Variants in GRIA2 observed in about 807,000 individuals in gnomAD.
GRIA2 encodes glutamate receptor 2.
In GRIA2, 14 loss-of-function variants were observed where a neutral mutation model predicts 97.3. The observed-to-expected ratio is 0.14, with a 90% confidence interval of 0.10 to 0.23. The LOEUF (loss-of-function observed/expected upper bound fraction) is 0.23. Among genes scored for constraint, GRIA2 ranks in the 10% least tolerant of loss-of-function variants. GRIA2 has a pLI of 1.00. For synonymous variants in GRIA2, 412 were observed against 387.8 expected (o/e 1.06, Z -0.73); for missense variants, 558 against 1,069.8 (o/e 0.52, Z 6.67).
chr4:157,330,650 A>C (rs1032171246), intron 6 of GRIA2, among the ~76,000 whole-genome samples: 1 of 152,004 alleles, frequency 6.6e-6, no homozygotes, highest in Non-Finnish European at 1.5e-5. Context: ...ACATGTCTAA[A>C]ATGCATATTT....
In GRIA2 at chr4:157,361,005, T is replaced by C; in HGVS notation, c.2292-5T>C. On this transcript the variant is annotated splice_polypyrimidine_tract_variant and splice_region_variant and intron_variant, in intron 13 of 15. Coordinates refer to ENST00000264426, the MANE Select transcript of GRIA2 (RefSeq NM_001083619.3). This position sits in a 1 kb window ranked among gnomAD's most constrained non-coding sequence, Gnocchi z 5.2. ...TGTCTGACAAGTATGTTTTATCGTT[T>C]CAAGAAATGCGGTTAACCTCGCAGT... 1 of 1,593,864 alleles carries C rather than the reference T, an allele frequency of 6.3e-7. No individual in the cohort carries two copies.
intron 2 of GRIA2, among the ~76,000 whole-genome samples, chr4:157,264,964 A>T (rs940964280): frequency 7.2e-5 from 11 of 152,070 alleles, no homozygotes; most frequent in Non-Finnish European, 1.5e-5. Flanking sequence ...AATTAAACTG[A>T]GACACAGAGA....
intron 2 of GRIA2, among the ~76,000 whole-genome samples, chr4:157,291,979 C>G (rs72962855): frequency 2.2e-4 from 34 of 151,968 alleles, no homozygotes; most frequent in African/African-American, 8.2e-4. Flanking sequence ...AGGGATAAAT[C>G]TAATAAAATG....
At chr4:157,328,088 T>A (rs1420216208) in intron 6 of GRIA2, among the ~76,000 whole-genome samples, 1 of 152,122 alleles carries the variant, frequency 6.6e-6, no homozygotes, top group African/African-American at 2.4e-5. Flanking sequence ...AATAAACTTA[T>A]AAATTTTATA....
At chr4:157,248,555 A>ATATATATACACGTG (rs1561009281) in intron 2 of GRIA2, among the ~76,000 whole-genome samples, 4 of 28,154 alleles carry the variant, frequency 1.4e-4, no homozygotes, top group African/African-American at 6.2e-4. Context: ...GTGTGTGTGT[A>ATATATATACACGTG]TATATATATA....
At chr4:157,357,500 C>T (rs1736435711) in intron 12 of GRIA2, among the ~76,000 whole-genome samples, 1 of 152,086 alleles carries the variant, frequency 6.6e-6, no homozygotes, top group South Asian at 2.1e-4. Context: ...AAGTTACTTT[C>T]AGTCTGATTC....
At chr4:157,227,330 A>G (rs1371934762) in intron 2 of GRIA2, among the ~76,000 whole-genome samples, 1 of 152,156 alleles carries the variant, frequency 6.6e-6, no homozygotes, top group Non-Finnish European at 1.5e-5. Flanking sequence ...TCTTCCAATA[A>G]CACTTAGCAA....
chr4:157,264,480 A>T (rs1731680734), intron 2 of GRIA2, among the ~76,000 whole-genome samples: 1 of 152,114 alleles, frequency 6.6e-6, no homozygotes, highest in East Asian at 1.9e-4. Flanking sequence ...CACTTACAAG[A>T]ACCCTTACAA....
At chr4:157,285,220 C>A (rs964197008) in intron 2 of GRIA2, among the ~76,000 whole-genome samples, 2 of 151,478 alleles carry the variant, frequency 1.3e-5, no homozygotes, top group African/African-American at 4.8e-5. Context: ...CTTTTAAATG[C>A]AATGTCTCAT....
At chr4:157,264,711 AG>A (rs1179337175) in intron 2 of GRIA2, among the ~76,000 whole-genome samples, 1 of 152,150 alleles carries the variant, frequency 6.6e-6, no homozygotes, top group Non-Finnish European at 1.5e-5. Context: ...AAAGTAAAAA[AG>A]GACAATCAGG....
intron 2 of GRIA2, among the ~76,000 whole-genome samples, chr4:157,223,673 A>G (rs1729611959): frequency 1.3e-5 from 2 of 152,204 alleles, no homozygotes; most frequent in Non-Finnish European, 1.5e-5. Flanking sequence ...TTGAAAAGTA[A>G]TGACTCCTAA....
At chr4:157,307,942 C>G (rs1733913519) in intron 3 of GRIA2, among the ~76,000 whole-genome samples, 1 of 152,164 alleles carries the variant, frequency 6.6e-6, no homozygotes, top group Non-Finnish European at 1.5e-5. Context: ...CTAATTTGGC[C>G]TAGGCATGCT....
chr4:157,250,602 C>T (rs1377305678), intron 2 of GRIA2, among the ~76,000 whole-genome samples: 2 of 151,956 alleles, frequency 1.3e-5, no homozygotes, highest in Non-Finnish European at 2.9e-5. Flanking sequence ...TCACGAGATA[C>T]AGATCTATAT....
intron 8 of GRIA2, 38 bp from the exon 9 acceptor site, chr4:157,333,972 C>A: frequency 3.2e-6 from 3 of 934,506 alleles, no homozygotes; most frequent in South Asian, 2.6e-5. Flanking sequence ...ATAGACAAGT[C>A]ATTTATCCAT....
intron 7 of GRIA2, 31 bp from the exon 8 acceptor site, chr4:157,333,218 T>C (rs914258259): frequency 3.1e-6 from 4 of 1,283,978 alleles, no homozygotes; most frequent in Non-Finnish European, 4.4e-6. Flanking sequence ...AGTAAATATA[T>C]AACTCTGCTG....
At chr4:157,363,298 C>A in intron 15 of GRIA2, 137 bp from the exon 16 acceptor site, 1 of 567,298 alleles carries the variant, frequency 1.8e-6, no homozygotes, top group Non-Finnish European at 2.7e-6. Context: ...TTCAGCTTTG[C>A]ACTGTTTGCT....
intron 6 of GRIA2, 82 bp downstream of exon 6, chr4:157,321,681 A>T: frequency 1.1e-6 from 1 of 902,978 alleles, no homozygotes; most frequent in Non-Finnish European, 1.7e-6. Context: ...GGAAGGAGAA[A>T]ATAATAAAGG....
chr4:157,359,463 T>A (rs1461781591), intron 12 of GRIA2, among the ~76,000 whole-genome samples: 1 of 152,134 alleles, frequency 6.6e-6, no homozygotes, highest in Non-Finnish European at 1.5e-5. Flanking sequence ...CATTAGAATC[T>A]CACCACTTAC....
At chr4:157,254,352 C>T (rs1037461400) in intron 2 of GRIA2, among the ~76,000 whole-genome samples, 3 of 151,858 alleles carry the variant, frequency 2.0e-5, no homozygotes, top group East Asian at 1.9e-4. Flanking sequence ...ATAAAGGAAA[C>T]GGTTAGTAGA....
Sources: gnomAD v4.1 joint callset for allele counts (sites outside exome capture counted in the v4.1 genomes callset) on GRCh38, gnomAD v4.1.1 for gene constraint, Gnocchi (gnomAD v3.1) non-coding constraint, MANE v1.5 for transcripts, NCBI Gene and HGNC (gene_info 2026-07-23, HGNC 2026-07-21) for gene names.